The following GRIA3 variants were observed in gnomAD, a reference collection of about 807,000 sequenced individuals.
GRIA3 encodes glutamate ionotropic receptor AMPA type subunit 3, also known as glutamate receptor 3.
GRIA3 carries 3 observed loss-of-function variants against 63.0 expected under a neutral mutation model. The observed-to-expected ratio is 0.05, with a 90% confidence interval of 0.02 to 0.12. The LOEUF (loss-of-function observed/expected upper bound fraction) is 0.12, where lower values mean the gene tolerates loss of function less well. GRIA3 is among the 10% of genes least tolerant of loss of function. The pLI is 1.00. For missense variants in GRIA3, 347 were observed against 700.9 expected (o/e 0.50, Z 5.70); for synonymous variants, 274 against 257.9 (o/e 1.06, Z -0.60).
intron 12 of GRIA3, among the ~76,000 whole-genome samples, chrX:123,440,775 G>T (rs143630036): frequency 0.021 from 2,382 of 112,374 alleles, 38 homozygotes; most frequent in East Asian, 0.12. Flanking sequence ...TTGCTGTGCA[G>T]AAACTCTTTA....
At chrX:123,447,014 T>C (rs1033683438) in intron 12 of GRIA3, among the ~76,000 whole-genome samples, 1 of 112,536 alleles carries the variant, frequency 8.9e-6, no homozygotes, top group African/African-American at 3.2e-5. Flanking sequence ...CAGGGACTTA[T>C]GTGAAATGTA....
At chrX:123,333,364 T>G (rs906975385) in intron 4 of GRIA3, among the ~76,000 whole-genome samples, 1 of 111,289 alleles carries the variant, frequency 9.0e-6, no homozygotes, top group Non-Finnish European at 1.9e-5. Flanking sequence ...GAATGGGCAT[T>G]GAAATTTACA....
chrX:123,345,439 A>AACACACACACACACACAC (rs59142587), intron 4 of GRIA3, among the ~76,000 whole-genome samples: 17 of 65,871 alleles, frequency 2.6e-4, no homozygotes, highest in African/African-American at 8.6e-4. Flanking sequence ...CCCCCTTCAC[A>AACACACACACACACACAC]ACACACACAC....
At chrX:123,204,721 G>A in intron 2 of GRIA3, 1 of 867,707 alleles carries the variant, frequency 1.2e-6, no homozygotes, top group Non-Finnish European at 1.5e-6. Flanking sequence ...TTTGGGAGTT[G>A]AGGGGAAAAT....
intron 5 of GRIA3, among the ~76,000 whole-genome samples, chrX:123,365,464 T>C (rs1048190246): frequency 9.0e-6 from 1 of 111,552 alleles, no homozygotes; most frequent in South Asian, 3.8e-4. Flanking sequence ...GAGCAGAAGA[T>C]AACAGATAAT....
intron 11 of GRIA3, among the ~76,000 whole-genome samples, chrX:123,423,241 G>T (rs1209246809): frequency 1.8e-5 from 2 of 112,042 alleles, no homozygotes; most frequent in Non-Finnish European, 3.8e-5. Context: ...AAGTTTTCAA[G>T]ATATGAAGTA....
At chrX:123,186,810 A>C (rs766546696) in intron 2 of GRIA3, among the ~76,000 whole-genome samples, 2 of 111,889 alleles carry the variant, frequency 1.8e-5, no homozygotes, top group African/African-American at 6.5e-5. Context: ...AAAACTGAAT[A>C]TGGAAAGAGA....
intron 5 of GRIA3, among the ~76,000 whole-genome samples, chrX:123,375,432 T>C (rs930702311): frequency 8.9e-6 from 1 of 111,989 alleles, no homozygotes; most frequent in African/African-American, 3.2e-5. Flanking sequence ...TTTTGGTATC[T>C]GGTTAATACC....
chrX:123,440,964 T>C (rs900156144), intron 12 of GRIA3, among the ~76,000 whole-genome samples: 1 of 111,784 alleles, frequency 8.9e-6, no homozygotes, highest in African/African-American at 3.3e-5. Context: ...GTCAGTAACA[T>C]TGATTTTCCA....
intron 4 of GRIA3, among the ~76,000 whole-genome samples, chrX:123,342,431 T>C (rs370836904): frequency 3.6e-5 from 4 of 112,081 alleles, no homozygotes; most frequent in East Asian, 5.6e-4. Context: ...ACCAGCTCAC[T>C]CAGACTTTTA....
intron 4 of GRIA3, among the ~76,000 whole-genome samples, chrX:123,354,071 G>T (rs2045116355): frequency 9.0e-6 from 1 of 111,656 alleles, no homozygotes; most frequent in African/African-American, 3.3e-5. Context: ...CCTATTATTA[G>T]ACTTGGTACT....
At chrX:123,296,175 T>C (rs1182369623) in intron 3 of GRIA3, among the ~76,000 whole-genome samples, 1 of 111,135 alleles carries the variant, frequency 9.0e-6, no homozygotes, top group Non-Finnish European at 1.9e-5. Context: ...TAACTCTACA[T>C]TGGTATGCTT....
intron 11 of GRIA3, among the ~76,000 whole-genome samples, chrX:123,422,248 AG>A (rs771890539): frequency 8.9e-6 from 1 of 112,449 alleles, no homozygotes; most frequent in East Asian, 2.8e-4. Context: ...AGACATCATG[AG>A]AAAAACTGAT....
At chrX:123,411,461 A>G (rs1339226677) in intron 10 of GRIA3, among the ~76,000 whole-genome samples, 1 of 111,987 alleles carries the variant, frequency 8.9e-6, no homozygotes, top group Non-Finnish European at 1.9e-5. Flanking sequence ...TCTCAAAGAG[A>G]TTAAAATTAC....
chrX:123,486,571 G>A (rs540972339), intron 15 of GRIA3, among the ~76,000 whole-genome samples: 1 of 112,303 alleles, frequency 8.9e-6, no homozygotes, highest in South Asian at 3.7e-4. Flanking sequence ...AACCTCACTT[G>A]TGTTAGTCAA....
At chrX:123,345,589 C>T (rs1312191147) in intron 4 of GRIA3, among the ~76,000 whole-genome samples, 2 of 110,253 alleles carry the variant, frequency 1.8e-5, no homozygotes, top group Non-Finnish European at 3.8e-5. Context: ...GGTGGCAGTG[C>T]GGGTTACTTT....
chrX:123,326,360 G>T (rs2044903563), intron 4 of GRIA3, 147 bp downstream of exon 4: 5 of 308,607 alleles, frequency 1.6e-5, no homozygotes, highest in East Asian at 1.3e-4. Flanking sequence ...TTCCTCCCCA[G>T]TGGCTGCAGA....
chrX:123,473,432 T>A (rs189009496), intron 13 of GRIA3, among the ~76,000 whole-genome samples: 90 of 112,032 alleles, frequency 8.0e-4, no homozygotes, highest in African/African-American at 2.8e-3. Context: ...TGGCTTCAGC[T>A]AAATAAAGCA....
At chrX:123,326,000 A>G (rs755507452) in intron 3 of GRIA3, 26 bp from the exon 4 acceptor site, 1 of 1,169,257 alleles carries the variant, frequency 8.6e-7, no homozygotes, top group East Asian at 3.0e-5. Context: ...TTTTTAAATC[A>G]TTGAAGCTGT....
Sources: allele counts gnomAD v4.1 joint callset (sites outside exome capture counted in the v4.1 genomes callset), GRCh38; gene constraint gnomAD v4.1.1; transcripts MANE v1.5; gene names NCBI Gene and HGNC (gene_info 2026-07-23, HGNC 2026-07-21).